Variants in PCED1B observed in about 807,000 individuals in gnomAD.
PCED1B encodes the protein PC-esterase domain containing 1B, also known as PC-esterase domain-containing protein 1B.
For synonymous variants in PCED1B, 251 were observed against 246.1 expected (o/e 1.02, Z -0.19); for missense variants, 573 against 573.9 (o/e 1.00, Z 0.02).
chr12:47,180,989 T>C lies in PCED1B; in HGVS notation c.-525-35233T>C, dbSNP rs929210112. On this transcript the variant is annotated intron_variant, in intron 2 of 3. Transcript: ENST00000546455. ...AGTGAAGGTATTTTCAACTGTATTC[T>C]CTTTTTCTTTCTTTTTTTTTTTTTG... 6.7e-5 allele frequency among the ~76,000 whole-genome samples: 4 copies of C among 59,382 alleles called. No homozygotes were observed. In the Admixed American group the frequency reaches 8.3e-4, roughly 12 times the overall value. The allele number at this position is 59,382 out of a possible 152,430, so 39.0% of individuals were successfully genotyped here.
intron 2 of PCED1B, among the ~76,000 whole-genome samples, chr12:47,111,806 G>A (rs926306812): frequency 6.6e-6 from 1 of 152,144 alleles, no homozygotes. Context: ...TCTAGCTGAG[G>A]TACCTCGGTT....
At chr12:47,202,802 T>C (rs1942806673) in intron 2 of PCED1B, among the ~76,000 whole-genome samples, 1 of 151,946 alleles carries the variant, frequency 6.6e-6, no homozygotes, top group African/African-American at 2.4e-5. Flanking sequence ...TGAAGTAATC[T>C]ACTAGAGCAG....
At chr12:47,100,799 G>A (rs545875807) in intron 1 of PCED1B, among the ~76,000 whole-genome samples, 40 of 152,208 alleles carry the variant, frequency 2.6e-4, no homozygotes, top group Non-Finnish European at 4.6e-4. Flanking sequence ...CAGGCATGGT[G>A]GCTTATGGTT....
At chr12:47,228,097 G>A (rs975599973) in intron 3 of PCED1B, among the ~76,000 whole-genome samples, 4 of 150,174 alleles carry the variant, frequency 2.7e-5, no homozygotes, top group Admixed American at 6.7e-5. Context: ...TCAGTGATGC[G>A]ATCTCAGCTC....
intron 2 of PCED1B, among the ~76,000 whole-genome samples, chr12:47,128,387 C>G (rs1565765030): frequency 6.6e-6 from 1 of 152,178 alleles, no homozygotes. Context: ...TCCAACTCTT[C>G]AGCCTCACTC....
chr12:47,223,651 A>T (rs1329125921), intron 3 of PCED1B: 1 of 152,250 alleles, frequency 6.6e-6, no homozygotes, highest in Non-Finnish European at 1.5e-5. Flanking sequence ...TGAGCTGCTG[A>T]GGAAGCTTTA....
chr12:47,226,055 T>C (rs1444511390), intron 3 of PCED1B, among the ~76,000 whole-genome samples: 1 of 152,192 alleles, frequency 6.6e-6, no homozygotes, highest in Non-Finnish European at 1.5e-5. Flanking sequence ...ATAAACAAGA[T>C]GCTGGAAAGT....
chr12:47,191,565 A>G (rs1942439690), intron 2 of PCED1B, among the ~76,000 whole-genome samples: 3 of 152,090 alleles, frequency 2.0e-5, no homozygotes, highest in Non-Finnish European at 4.4e-5. Context: ...TTCCATTGCA[A>G]TCCGGAAGAA....
intron 2 of PCED1B, among the ~76,000 whole-genome samples, chr12:47,186,633 A>T (rs10785663): frequency 0.25 from 38,015 of 152,014 alleles, 5,415 homozygotes; most frequent in South Asian, 0.48. Flanking sequence ...GCATAATCCA[A>T]ACCCCTTCAT....
At chr12:47,170,385 C>T (rs1316465196) in intron 2 of PCED1B, among the ~76,000 whole-genome samples, 1 of 152,202 alleles carries the variant, frequency 6.6e-6, no homozygotes, top group African/African-American at 2.4e-5. Flanking sequence ...CATCATGGCC[C>T]GTTCTCAATG....
At position 47,211,066 on chromosome 12, in the gene PCED1B, T is replaced by C. The variant is rs191762294; in HGVS notation, c.-525-5156T>C. On this transcript the variant is annotated intron_variant, in intron 2 of 3. Transcript: ENST00000546455. The stretch of plus-strand genomic sequence containing the variant: ...TTTCATGGCGCTATTTTCATTTTCA[T>C]GTTTTCAGTAGAATTTTAAAAATCC... Among the ~76,000 whole-genome samples the C allele has an allele frequency of 2.6e-5, 4 of 152,336 alleles. No individual in the cohort carries two copies. In the East Asian group the frequency reaches 7.7e-4, roughly 29 times the overall value.
At chr12:47,135,653 C>T (rs923324181) in intron 2 of PCED1B, 42 of 512,284 alleles carry the variant, frequency 8.2e-5, no homozygotes, top group Non-Finnish European at 1.2e-5. Flanking sequence ...CTGTCCTAGA[C>T]TTCACAGAGT....
At chr12:47,145,497 G>A (rs376249482) in intron 2 of PCED1B, among the ~76,000 whole-genome samples, 29 of 152,322 alleles carry the variant, frequency 1.9e-4, no homozygotes, top group African/African-American at 6.0e-4. Context: ...CATAGCTAGA[G>A]AGAAGTCAGT....
rs1046605168 is a variant in PCED1B at position 47,143,307 on chromosome 12, G to A, written c.-526+39112G>A. On this transcript the variant is annotated intron_variant, in intron 2 of 3. Coordinates refer to ENST00000546455, the MANE Select transcript of PCED1B (RefSeq NM_138371.3). ...GTTTACAGATGACATGATCTTGTAC[G>A]TAGCCAGTCCTAAAGACTTGACCAA... Among the ~76,000 whole-genome samples, 6 of 152,104 alleles carry A rather than the reference G, an allele frequency of 3.9e-5. No individual in the cohort carries two copies. The South Asian group carries it at 8.3e-4, about 21-fold the overall frequency.
chr12:47,141,837 C>A (rs571755725), intron 2 of PCED1B, among the ~76,000 whole-genome samples: 54 of 152,330 alleles, frequency 3.5e-4, no homozygotes, highest in Admixed American at 2.9e-3. Context: ...TGAAGCAGCC[C>A]TGTGACCCAG....
At chr12:47,122,672 A>G (rs1292249573) in intron 2 of PCED1B, among the ~76,000 whole-genome samples, 2 of 152,194 alleles carry the variant, frequency 1.3e-5, no homozygotes, top group African/African-American at 4.8e-5. Flanking sequence ...TCTTTTCTGT[A>G]GGCTATAGTT....
intron 2 of PCED1B, among the ~76,000 whole-genome samples, chr12:47,186,213 G>A (rs532309933): frequency 1.4e-3 from 158 of 112,070 alleles, no homozygotes; most frequent in African/African-American, 4.5e-3. Flanking sequence ...GTGAGACTCC[G>A]TCTAAAAAAA....
intron 2 of PCED1B, among the ~76,000 whole-genome samples, chr12:47,196,485 C>T (rs1942605302): frequency 6.6e-6 from 1 of 152,196 alleles, no homozygotes; most frequent in Admixed American, 6.5e-5. Context: ...TTATTTAGCA[C>T]AGTAGCAAAG....
At chr12:47,187,007 T>C (rs938774067) in intron 2 of PCED1B, among the ~76,000 whole-genome samples, 1 of 152,118 alleles carries the variant, frequency 6.6e-6, no homozygotes, top group African/African-American at 2.4e-5. Flanking sequence ...AGCAAAGATC[T>C]CTCCTTACCA....
Sources: gnomAD v4.1 joint callset for allele counts (sites outside exome capture counted in the v4.1 genomes callset) on GRCh38, gnomAD v4.1.1 for gene constraint, MANE v1.5 for transcripts, NCBI Gene and HGNC (gene_info 2026-07-23, HGNC 2026-07-21) for gene names.